MAML2: variants seen among roughly 807,000 people sequenced by gnomAD.
MAML2 encodes mastermind like transcriptional coactivator 2.
Under a neutral mutation model 96.1 loss-of-function variants are expected in MAML2, and 22 were observed. That is an observed-to-expected ratio of 0.23 (90% CI 0.16 to 0.33). The LOEUF is 0.33. Among genes scored for constraint, MAML2 ranks in the 10% least tolerant of loss-of-function variants. MAML2 has a pLI of 1.00. For synonymous variants in MAML2, 561 were observed against 521.3 expected (o/e 1.08, Z -1.04); for missense variants, 1,367 against 1,392.4 (o/e 0.98, Z 0.29).
chr11:96,239,615 A>T (rs956352419), intron 1 of MAML2, among the ~76,000 whole-genome samples: 1 of 152,200 alleles, frequency 6.6e-6, no homozygotes, highest in South Asian at 2.1e-4. Context: ...CAAGAAAAAA[A>T]AAAGTAGAAA....
Position 96,106,814 on chromosome 11 carries a change from C to A in MAML2, c.514-13297G>T, listed in dbSNP as rs1048065050. 2.0e-5 allele frequency among the ~76,000 whole-genome samples: 3 copies of A among 151,806 alleles called. 1 individual carries two copies. The highest frequency in any genetic ancestry group is 2.0e-4 in the Admixed American group (3 of 15,240). ...GGATTGATGCCACTGGGACTTAACTCCCCCCTACCCAAAACATACATTTCT... is the reference window on the plus strand; with the variant it reads ...GGATTGATGCCACTGGGACTTAACTACCCCCTACCCAAAACATACATTTCT... On this transcript the variant is annotated intron_variant, in intron 1 of 4. Coordinates refer to ENST00000524717, the MANE Select transcript of MAML2 (RefSeq NM_032427.4).
chr11:96,269,882 G>A (rs1417693820), intron 1 of MAML2, among the ~76,000 whole-genome samples: 1 of 143,924 alleles, frequency 6.9e-6, no homozygotes, highest in Non-Finnish European at 1.5e-5. Context: ...AGTACCCTCT[G>A]GGAGTTTCTA....
chr11:96,232,350 C>T (rs564329753), intron 1 of MAML2, among the ~76,000 whole-genome samples: 1 of 152,194 alleles, frequency 6.6e-6, no homozygotes, highest in South Asian at 2.1e-4. Context: ...ACAGAAATTC[C>T]GAGAGAATAA....
intron 1 of MAML2, among the ~76,000 whole-genome samples, chr11:96,159,960 C>T (rs1345104994): frequency 6.6e-6 from 1 of 152,158 alleles, no homozygotes; most frequent in East Asian, 1.9e-4. Flanking sequence ...ATATCATATT[C>T]CGAATTTATT....
chr11:96,047,734 C>A (rs1386167138), intron 2 of MAML2, among the ~76,000 whole-genome samples: 1 of 151,602 alleles, frequency 6.6e-6, no homozygotes. Flanking sequence ...GATGGTGAAA[C>A]CCTGTCTCTA....
intron 1 of MAML2, among the ~76,000 whole-genome samples, chr11:96,316,121 T>C (rs1017578626): frequency 2.0e-5 from 3 of 152,210 alleles, no homozygotes; most frequent in African/African-American, 7.2e-5. Context: ...TTCCACTTAA[T>C]ATTCTAGAGG....
intron 1 of MAML2, among the ~76,000 whole-genome samples, chr11:96,118,562 AG>A (rs1008424554): frequency 9.7e-6 from 1 of 103,402 alleles, no homozygotes; most frequent in African/African-American, 3.0e-5. Context: ...TGTTTATAGC[AG>A]TGTGAAAATG....
chr11:96,151,496 C>T (rs564723908), intron 1 of MAML2, among the ~76,000 whole-genome samples: 1 of 152,332 alleles, frequency 6.6e-6, no homozygotes, highest in South Asian at 2.1e-4. Flanking sequence ...ACCCAAATCT[C>T]ATGTTCAGTT....
At chr11:96,202,837 A>T (rs868592861) in intron 1 of MAML2, among the ~76,000 whole-genome samples, 40 of 152,260 alleles carry the variant, frequency 2.6e-4, no homozygotes, top group Non-Finnish European at 4.3e-4. Context: ...CACGTTGGCC[A>T]GGCTGGTCTC....
chr11:96,245,727 CAG>C (rs1862502365), intron 1 of MAML2, among the ~76,000 whole-genome samples: 1 of 131,094 alleles, frequency 7.6e-6, no homozygotes, highest in Non-Finnish European at 1.6e-5. Flanking sequence ...TTTTTTTAGA[CAG>C]AGTCTCACTC....
intron 1 of MAML2, among the ~76,000 whole-genome samples, chr11:96,279,553 C>A (rs1209211731): frequency 6.6e-6 from 1 of 152,218 alleles, no homozygotes. Context: ...GGGTGACTAA[C>A]AAGCTTCTCA....
chr11:96,159,212 C>T (rs188212008), intron 1 of MAML2, among the ~76,000 whole-genome samples: 1 of 152,228 alleles, frequency 6.6e-6, no homozygotes, highest in Admixed American at 6.5e-5. Context: ...TACTGCCAAG[C>T]AGTAATCTTT....
At chr11:96,201,019 GA>G (rs906673619) in intron 1 of MAML2, among the ~76,000 whole-genome samples, 7 of 151,052 alleles carry the variant, frequency 4.6e-5, no homozygotes, top group East Asian at 3.9e-4. Flanking sequence ...ACTCTTGGGG[GA>G]AAAAAAAGCT....
chr11:96,045,305 C>A (rs1254023997), intron 2 of MAML2, among the ~76,000 whole-genome samples: 1 of 152,142 alleles, frequency 6.6e-6, no homozygotes, highest in Non-Finnish European at 1.5e-5. Flanking sequence ...ATGGTGCCTG[C>A]ATATTACGGA....
rs1859645351 is a variant in MAML2, at chr11:96,087,984, TC to T, written c.2139+3907del. ...TCAGCATATGAAAGTTACATTGATTTCCCCACTGCCACCCAGGCCAATTTGG... is the reference window on the plus strand; with the variant it reads ...TCAGCATATGAAAGTTACATTGATTTCCCACTGCCACCCAGGCCAATTTGG... On this transcript the variant is annotated intron_variant, in intron 2 of 4. Transcript: ENST00000524717. Among the ~76,000 whole-genome samples, 3 of 152,192 alleles carry T rather than the reference TC, an allele frequency of 2.0e-5. No homozygotes were observed. In the South Asian group the frequency reaches 6.2e-4, roughly 32 times the overall value.
intron 1 of MAML2, among the ~76,000 whole-genome samples, chr11:96,298,546 G>C: frequency 6.6e-6 from 1 of 152,096 alleles, no homozygotes; most frequent in Non-Finnish European, 1.5e-5. Flanking sequence ...AAGGCCATTT[G>C]CTAAGAGTGC....
intron 1 of MAML2, among the ~76,000 whole-genome samples, chr11:96,146,954 A>G (rs935660445): frequency 2.0e-5 from 3 of 152,226 alleles, no homozygotes; most frequent in African/African-American, 7.2e-5. Flanking sequence ...ATGAAAGGCC[A>G]TGTGATCTCC....
chr11:96,148,731 G>T (rs891646760), intron 1 of MAML2, among the ~76,000 whole-genome samples: 5 of 148,740 alleles, frequency 3.4e-5, no homozygotes, highest in African/African-American at 1.0e-4. Context: ...CTACCTGATA[G>T]GAGAAGGCAG....
chr11:96,198,476 G>GA (rs1288984314), intron 1 of MAML2, among the ~76,000 whole-genome samples: 2 of 152,210 alleles, frequency 1.3e-5, no homozygotes, highest in Non-Finnish European at 2.9e-5. Flanking sequence ...TTCCTCAGAT[G>GA]ATATGGTCCA....
Sources: gnomAD v4.1 joint callset for allele counts (sites outside exome capture counted in the v4.1 genomes callset) on GRCh38, gnomAD v4.1.1 for gene constraint, MANE v1.5 for transcripts, NCBI Gene and HGNC (gene_info 2026-07-23, HGNC 2026-07-21) for gene names.